PSG3: variants seen among roughly 807,000 people sequenced by gnomAD.
The protein encoded by PSG3 is pregnancy specific beta-1-glycoprotein 3, also known as pregnancy-specific beta-1-glycoprotein 3.
PSG3 carries 61 observed loss-of-function variants against 47.5 expected under a neutral mutation model. The observed-to-expected ratio is 1.28, with a 90% CI of 1.05 to 1.59. The LOEUF (loss-of-function observed/expected upper bound fraction) is 1.59. Among genes scored for constraint, PSG3 ranks in the 40% most tolerant of loss-of-function variants. PSG3 has a pLI of 0.00. For missense variants in PSG3, 756 were observed against 524.0 expected, an observed-to-expected ratio of 1.44 and a Z score of -4.32; for synonymous variants, 263 against 198.4, an observed-to-expected ratio of 1.33 and a Z score of -2.74.
chr19:42,724,033 G>T lies in PSG3; in HGVS notation c.1244-8C>A. 6.2e-7 allele frequency: 1 copy of T among 1,608,024 alleles called. No homozygotes were observed. Among genetic ancestry groups the T allele is most frequent in the Non-Finnish European group, 8.5e-7 (1 of 1,175,178 alleles). On this transcript the variant is annotated splice_region_variant and splice_polypyrimidine_tract_variant and intron_variant, in intron 5 of 6. Transcript: ENST00000327495. The stretch of plus-strand genomic sequence containing the variant: ...GTCCTGTTCCTGAAGGAGCTGTCAT[G>T]GAAAAAAAAGAAAAGAAGGAATGAA...
At chr19:42,724,102 A>G in intron 5 of PSG3, 77 bp from the exon 6 acceptor site, 1 of 1,504,390 alleles carries the variant, frequency 6.6e-7, no homozygotes, top group Non-Finnish European at 9.2e-7. Context: ...ACAAGCATGT[A>G]ACATGAGGTA....
chr19:42,732,883 G>T lies in PSG3; in HGVS notation c.610C>A (p.Leu204Ile), dbSNP rs780249575. ...GCAGTGTACTTTGTGACACCAAATA[G>T]AAAGAGGGTCCTTTTGTTTTTGGAC... is the stretch of plus-strand genomic sequence containing the variant. ...QLSKNKRTLF[L>I]FGVTKYTAGP... The change falls in exon 3 of 7, where the codon CTA (leucine) becomes ATA (isoleucine). Residue 204 changes from leucine (L) to isoleucine (I), a missense_variant. By Grantham distance (5) the Leu-to-Ile change is conservative. Coordinates refer to ENST00000327495, the MANE Select transcript of PSG3 (RefSeq NM_021016.4). 5.6e-5 allele frequency: 91 copies of T among 1,614,040 alleles called. No individual in the cohort carries two copies. In the Admixed American group the frequency reaches 1.5e-3, roughly 26 times the overall value.
At chr19:42,735,556 C>T (rs574630455) in intron 2 of PSG3, among the ~76,000 whole-genome samples, 64 of 152,134 alleles carry the variant, frequency 4.2e-4, no homozygotes, top group African/African-American at 1.3e-3. Flanking sequence ...TTAGTAGAGA[C>T]GGGGTTTCAC....
In PSG3 at chr19:42,738,776, C is replaced by G. The variant is rs1474353629; in HGVS notation, c.378G>C (p.Lys126Asn). ...DAGSYTLHIV[K>N]RGDGTRGETG... ...TTTCTCCTCTAGTCCCATCACCTCG[C>G]TTTACGATGTGTAAGGTGTAGGATC... is the stretch of plus-strand genomic sequence containing the variant. Residue 126 changes from lysine to asparagine, a missense_variant, in exon 2 of 7, where the codon AAG (lysine) becomes AAC (asparagine). Coordinates refer to ENST00000327495, the MANE Select transcript of PSG3 (RefSeq NM_021016.4). 5 of 1,614,114 alleles carry G rather than the reference C, an allele frequency of 3.1e-6. No homozygotes were observed. The highest frequency in any genetic ancestry group is 1.7e-4 in the Middle Eastern group (1 of 6,060).
At chr19:42,734,120 G>C (rs1009541318) in intron 2 of PSG3, 21 of 152,186 alleles carry the variant, frequency 1.4e-4, no homozygotes, top group African/African-American at 4.8e-4. Flanking sequence ...AGGGGAATAG[G>C]GCGTTGTTCT....
Position 42,723,952 on chromosome 19 carries a change from T to C in PSG3, c.*30A>G, listed in dbSNP as rs762426417. On this transcript the variant is annotated 3_prime_UTR_variant, in exon 6 of 7. Transcript: ENST00000327495. Reference sequence around the variant, plus strand: ...GAAAGGTCATCATACCTGCCAGTCTTCCTGAAATACAGAAATGACATCACG... The same window carrying C: ...GAAAGGTCATCATACCTGCCAGTCTCCCTGAAATACAGAAATGACATCACG... The C allele has an allele frequency of 2.9e-5, 46 of 1,591,498 alleles. No homozygotes were observed. In the East Asian group the frequency reaches 8.7e-4, roughly 30 times the overall value.
chr19:42,722,225 T>C (rs1969309951), intron 6 of PSG3, 135 bp from the exon 7 acceptor site: 2 of 393,984 alleles, frequency 5.1e-6, no homozygotes, highest in Non-Finnish European at 8.9e-6. Flanking sequence ...TTTCCAGAAA[T>C]TTCATATAAT....
Position 42,739,004 on chromosome 19 carries a change from G to T in PSG3, c.150C>A (p.Asp50Glu). 1 of 1,613,964 alleles carries T rather than the reference G, an allele frequency of 6.2e-7. No homozygotes were observed. Among genetic ancestry groups the T allele is most frequent in the East Asian group, 2.2e-5 (1 of 44,864 alleles). Residue 50 changes from aspartate (D) to glutamate (E), a missense_variant, in exon 2 of 7, where the codon GAC (aspartate) becomes GAA (glutamate). By Grantham distance (45) the Asp-to-Glu change is conservative (BLOSUM62 2). Coordinates refer to ENST00000327495, the MANE Select transcript of PSG3 (RefSeq NM_021016.4). Reference protein sequence around the residue: ...AEPTKVSKGKDVLLLVHNLPQ... With the variant: ...AEPTKVSKGKEVLLLVHNLPQ... ...GCAAATTGTGGACAAGTAGAAGAACGTCCTTCCCCTTGGAAACTTTGGTTG... is the reference window on the plus strand; with the variant it reads ...GCAAATTGTGGACAAGTAGAAGAACTTCCTTCCCCTTGGAAACTTTGGTTG...
chr19:42,734,724 C>T (rs539809295), intron 2 of PSG3, among the ~76,000 whole-genome samples: 1 of 152,102 alleles, frequency 6.6e-6, no homozygotes, highest in Admixed American at 6.5e-5. Context: ...AGAGAGAGTC[C>T]CGTTAAAAGG....
intron 6 of PSG3, among the ~76,000 whole-genome samples, chr19:42,723,375 T>G (rs1036272880): frequency 2.6e-4 from 40 of 152,148 alleles, no homozygotes; most frequent in African/African-American, 9.4e-4. Context: ...GACAGGGGTG[T>G]GTAGGAAGAC....
At position 42,727,480 on chromosome 19, in the gene PSG3, T is replaced by C. The variant is rs1368136721; in HGVS notation, c.1243+1643A>G. 5.3e-5 allele frequency among the ~76,000 whole-genome samples: 8 copies of C among 152,144 alleles called. No individual in the cohort carries two copies. In the South Asian group the frequency reaches 8.3e-4, roughly 16 times the overall value. On this transcript the variant is annotated intron_variant, in intron 5 of 6. Transcript: ENST00000327495. Reference sequence around the variant, plus strand: ...AATGGAGTTTTCTCCAAGGAAGATATACAAATATCAAATAAGCCCATGCAA... The same window carrying C: ...AATGGAGTTTTCTCCAAGGAAGATACACAAATATCAAATAAGCCCATGCAA...
chr19:42,735,925 G>A (rs1350281448), intron 2 of PSG3, among the ~76,000 whole-genome samples: 2 of 152,204 alleles, frequency 1.3e-5, no homozygotes, highest in African/African-American at 4.8e-5. Flanking sequence ...GATTACAACA[G>A]TGACAGCAAA....
chr19:42,737,659 A>C (rs1224240881), intron 2 of PSG3, among the ~76,000 whole-genome samples: 1 of 152,208 alleles, frequency 6.6e-6, no homozygotes, highest in Non-Finnish European at 1.5e-5. Context: ...GATTTGAGCC[A>C]ATAAATGACT....
At chr19:42,733,200 A>T (rs1471222008) in intron 2 of PSG3, 138 bp from the exon 3 acceptor site, 1 of 1,480,330 alleles carries the variant, frequency 6.8e-7, no homozygotes, top group Non-Finnish European at 9.0e-7. Context: ...TGTGTGTTAC[A>T]AGACAGATGC....
rs772010705 is a variant in PSG3 at position 42,733,078 on chromosome 19, A to G, written c.431-16T>C. ...GGAGTCTCCACTGTGCAGAAAACAG[A>G]GAGAAGATTGCCCTGTGTGGCACCT... On this transcript the variant is annotated splice_polypyrimidine_tract_variant and intron_variant, in intron 2 of 6. Transcript: ENST00000327495. The G allele has an allele frequency of 8.1e-6, 13 of 1,611,244 alleles. No individual in the cohort carries two copies. Among genetic ancestry groups the G allele is most frequent in the South Asian group, 3.3e-5 (3 of 90,938 alleles).
At position 42,738,994 on chromosome 19, in the gene PSG3, G is replaced by A; in HGVS notation, c.160C>T (p.Leu54Phe). The A allele has an allele frequency of 6.2e-7, 1 of 1,614,050 alleles. No homozygotes were observed. Residue 54 changes from leucine (L) to phenylalanine (F), a missense_variant, in exon 2 of 7, where the codon CTT becomes TTT. Transcript: ENST00000327495. ...KVSKGKDVLL[L>F]VHNLPQNLAG... Reference sequence around the variant, plus strand: ...AGATTCTGGGGCAAATTGTGGACAAGTAGAAGAACGTCCTTCCCCTTGGAA... The same window carrying A: ...AGATTCTGGGGCAAATTGTGGACAAATAGAAGAACGTCCTTCCCCTTGGAA...
chr19:42,722,130 T>A (rs1969308853), intron 6 of PSG3, 40 bp from the exon 7 acceptor site: 1 of 408,512 alleles, frequency 2.4e-6, no homozygotes, highest in African/African-American at 2.1e-5. Flanking sequence ...TGGTTAAAAA[T>A]CTAATGAGAA....
chr19:42,733,261 G>T, intron 2 of PSG3, 199 bp from the exon 3 acceptor site: 1 of 1,204,506 alleles, frequency 8.3e-7, no homozygotes, highest in African/African-American at 1.5e-5. Context: ...TCGTGTGGGA[G>T]AAGCACAGAC....
At chr19:42,739,235 A>T (rs1969625049) in intron 1 of PSG3, 146 bp from the exon 2 acceptor site, 3 of 1,277,856 alleles carry the variant, frequency 2.3e-6, no homozygotes, top group Non-Finnish European at 2.2e-6. Flanking sequence ...CACACACAAA[A>T]GGGGCATGTG....
Sources: allele counts gnomAD v4.1 joint callset (sites outside exome capture counted in the v4.1 genomes callset), GRCh38; gene constraint gnomAD v4.1.1; transcripts MANE v1.5; gene names NCBI Gene and HGNC (gene_info 2026-07-23, HGNC 2026-07-21).